RBFOX1: variants seen among roughly 807,000 people sequenced by gnomAD.
RBFOX1 encodes RNA binding protein fox-1 homolog 1.
RBFOX1 carries 8 observed loss-of-function variants against 57.7 expected under a neutral mutation model. The ratio of observed to expected loss-of-function variants is 0.14; its 90% confidence interval spans 0.08 to 0.25. RBFOX1 has a LOEUF of 0.25. Ranked by LOEUF, RBFOX1 falls within the 10% of genes least tolerant of loss-of-function variation. The pLI, the probability that RBFOX1 is intolerant of heterozygous loss-of-function variation, is 1.00. For missense variants in RBFOX1, 611 were observed against 548.5 expected (o/e 1.11, Z -1.14); for synonymous variants, 326 against 222.4 (o/e 1.47, Z -4.15).
At position 7,505,645 on chromosome 16, in the gene RBFOX1, T is replaced by C. The variant is rs558810365; in HGVS notation, c.28-12502T>C. ...AAATGGAAAATCAGGATGGAACATTTTGCAAACATGACACCTCCTCACTGC... is the reference window on the plus strand; with the variant it reads ...AAATGGAAAATCAGGATGGAACATTCTGCAAACATGACACCTCCTCACTGC... On this transcript the variant is annotated intron_variant, in intron 4 of 15. Coordinates refer to ENST00000550418, the MANE Select transcript of RBFOX1 (RefSeq NM_018723.4). Among the ~76,000 whole-genome samples the C allele has an allele frequency of 7.9e-5, 12 of 152,272 alleles. No homozygotes were observed. In the East Asian group the frequency reaches 2.3e-3, roughly 29 times the overall value.
chr16:5,333,501 C>G (rs192059567), intron 1 of RBFOX1, among the ~76,000 whole-genome samples: 20 of 152,276 alleles, frequency 1.3e-4, no homozygotes, highest in Non-Finnish European at 2.5e-4. Flanking sequence ...AGCTGCTCCT[C>G]ACACAGTTGG....
intron 4 of RBFOX1, among the ~76,000 whole-genome samples, chr16:7,072,558 A>G (rs1454961352): frequency 6.6e-6 from 1 of 152,222 alleles, no homozygotes; most frequent in Non-Finnish European, 1.5e-5. Context: ...TGTTAATACA[A>G]TGAAAGAATC....
intron 1 of RBFOX1, among the ~76,000 whole-genome samples, chr16:6,041,648 C>T (rs1037378026): frequency 6.6e-6 from 1 of 152,116 alleles, no homozygotes; most frequent in African/African-American, 2.4e-5. Context: ...AAGCCTAAGT[C>T]TTGAAATTAT....
At chr16:6,869,520 A>T (rs1253479594) in intron 3 of RBFOX1, among the ~76,000 whole-genome samples, 5 of 151,974 alleles carry the variant, frequency 3.3e-5, no homozygotes, top group African/African-American at 1.2e-4. Context: ...CACATATAAA[A>T]GGGTTTTATG....
chr16:6,320,566 C>A (rs1330367237), intron 2 of RBFOX1, among the ~76,000 whole-genome samples: 1 of 151,752 alleles, frequency 6.6e-6, no homozygotes, highest in Non-Finnish European at 1.5e-5. Context: ...GTACATATAC[C>A]TTGTGAAATG....
intron 1 of RBFOX1, among the ~76,000 whole-genome samples, chr16:5,361,547 T>C (rs140837996): frequency 2.9e-3 from 444 of 152,276 alleles, no homozygotes; most frequent in African/African-American, 0.01. Context: ...AGATATAAAA[T>C]TGTGAGGCCG....
intron 5 of RBFOX1, among the ~76,000 whole-genome samples, chr16:7,536,270 C>G (rs888974304): frequency 2.0e-5 from 3 of 152,190 alleles, no homozygotes; most frequent in East Asian, 1.9e-4. Flanking sequence ...GAGATGCATT[C>G]AAGACTTCCT....
chr16:6,889,828 C>G (rs559798909), intron 3 of RBFOX1, among the ~76,000 whole-genome samples: 2 of 152,328 alleles, frequency 1.3e-5, no homozygotes, highest in African/African-American at 4.8e-5. Flanking sequence ...AGGTGGTTCA[C>G]AGACACAGCA....
chr16:6,285,041 A>G (rs1361468411), intron 1 of RBFOX1, among the ~76,000 whole-genome samples: 1 of 152,166 alleles, frequency 6.6e-6, no homozygotes, highest in Non-Finnish European at 1.5e-5. Context: ...AAACCGAGAG[A>G]GGCAAGGAAA....
At chr16:7,497,869 G>A (rs1362596887) in intron 4 of RBFOX1, among the ~76,000 whole-genome samples, 6 of 152,198 alleles carry the variant, frequency 3.9e-5, no homozygotes, top group Admixed American at 6.5e-5. Context: ...CACACACAGC[G>A]AATGTCTGAG....
At chr16:6,103,794 G>A (rs2096344279) in intron 1 of RBFOX1, among the ~76,000 whole-genome samples, 1 of 152,166 alleles carries the variant, frequency 6.6e-6, no homozygotes, top group Non-Finnish European at 1.5e-5. Context: ...AGAGTAGCAT[G>A]GGAAAGAGTC....
intron 3 of RBFOX1, among the ~76,000 whole-genome samples, chr16:6,802,897 A>G (rs1347953555): frequency 6.6e-6 from 1 of 152,154 alleles, no homozygotes; most frequent in African/African-American, 2.4e-5. Flanking sequence ...AATTGTGCAA[A>G]GAAGTTATTT....
intron 4 of RBFOX1, among the ~76,000 whole-genome samples, chr16:7,101,942 T>C (rs188158688): frequency 1.4e-3 from 220 of 152,248 alleles, no homozygotes; most frequent in African/African-American, 5.2e-3. Context: ...TGGTGCTCCT[T>C]TCACCAAGCC....
At chr16:6,574,102 G>C (rs1013898101) in intron 2 of RBFOX1, among the ~76,000 whole-genome samples, 2 of 152,154 alleles carry the variant, frequency 1.3e-5, no homozygotes, top group South Asian at 4.1e-4. Context: ...AGCGATGAGA[G>C]GGAAACACTT....
chr16:7,432,691 G>A (rs960781832), intron 4 of RBFOX1, among the ~76,000 whole-genome samples: 3 of 152,170 alleles, frequency 2.0e-5, no homozygotes, highest in African/African-American at 7.2e-5. Flanking sequence ...CAAAACAGAT[G>A]GTTGGCTGAA....
Position 6,613,563 on chromosome 16 carries a change from A to G in RBFOX1, c.-63-41040A>G, listed in dbSNP as rs551427266. Among the ~76,000 whole-genome samples the G allele has an allele frequency of 3.4e-4, 52 of 152,344 alleles. No individual in the cohort carries two copies. In the Middle Eastern group the frequency reaches 0.014, roughly 40 times the overall value. On this transcript the variant is annotated intron_variant, in intron 2 of 15. Transcript: ENST00000550418. ...TGTTTACAAAATGCTATGGAACGCT[A>G]GATGATTATTAAACATAATGAGGTT...
chr16:7,458,252 C>G (rs1302292216), intron 4 of RBFOX1, among the ~76,000 whole-genome samples: 1 of 152,090 alleles, frequency 6.6e-6, no homozygotes, highest in Non-Finnish European at 1.5e-5. Context: ...TTGCAAAGGA[C>G]CAGCGTCTAA....
intron 1 of RBFOX1, among the ~76,000 whole-genome samples, chr16:6,166,450 T>C (rs377308863): frequency 3.3e-5 from 5 of 150,990 alleles, no homozygotes; most frequent in African/African-American, 9.7e-5. Context: ...GTCTCTCTCT[T>C]TCTCTCTGAC....
chr16:5,407,700 C>G (rs899674369), intron 1 of RBFOX1, among the ~76,000 whole-genome samples: 42 of 152,170 alleles, frequency 2.8e-4, no homozygotes, highest in African/African-American at 9.4e-4. Context: ...AGGGACCCAC[C>G]ACCACGCTGG....
Sources: allele counts gnomAD v4.1 joint callset (sites outside exome capture counted in the v4.1 genomes callset), GRCh38; gene constraint gnomAD v4.1.1; transcripts MANE v1.5; gene names NCBI Gene and HGNC (gene_info 2026-07-23, HGNC 2026-07-21).